TOP2A: variants seen among roughly 807,000 people sequenced by gnomAD.
TOP2A encodes the protein DNA topoisomerase 2-alpha.
Under a neutral mutation model 187.2 loss-of-function variants are expected in TOP2A, and 68 were observed. The observed-to-expected ratio is 0.36, with a 90% CI of 0.30 to 0.44. TOP2A has a LOEUF of 0.44. Ranked by LOEUF, TOP2A falls within the 20% of genes least tolerant of loss-of-function variation. The pLI, the probability that TOP2A is intolerant of heterozygous loss-of-function variation, is 1.00. For synonymous variants in TOP2A, 542 were observed against 593.2 expected (o/e 0.91, Z 1.25); for missense variants, 1,196 against 1,808.7 (o/e 0.66, Z 6.14).
intron 33 of TOP2A, among the ~76,000 whole-genome samples, chr17:40,390,813 T>C (rs1425757379): frequency 6.6e-6 from 1 of 151,678 alleles, no homozygotes; most frequent in African/African-American, 2.4e-5. Context: ...TTAGTAGAGA[T>C]GAGGTTTCAC....
intron 6 of TOP2A, 108 bp downstream of exon 6, chr17:40,413,087 A>G (rs2035343733): frequency 7.8e-7 from 1 of 1,278,078 alleles, no homozygotes. Flanking sequence ...AATTTTCCAT[A>G]CTTCAATAGC....
At chr17:40,408,245 ATT>A in intron 11 of TOP2A, 121 bp from the exon 12 acceptor site, 6 of 853,192 alleles carry the variant, frequency 7.0e-6, no homozygotes, top group Non-Finnish European at 1.1e-5. Flanking sequence ...GAGCAAAATT[ATT>A]TGTTAGGTAA....
At chr17:40,416,395 G>C (rs561362194) in intron 3 of TOP2A, 27 bp downstream of exon 3, 11 of 1,362,414 alleles carry the variant, frequency 8.1e-6, no homozygotes, top group Non-Finnish European at 1.1e-5. Flanking sequence ...GATTTGACCA[G>C]ATCTTTATAT....
chr17:40,416,121 T>C (rs572631846), intron 3 of TOP2A, 53 bp from the exon 4 acceptor site: 1 of 1,304,176 alleles, frequency 7.7e-7, no homozygotes, highest in Admixed American at 2.0e-5. Flanking sequence ...TAAGAAACAT[T>C]CTGTAACTCT....
chr17:40,415,918 A>G (rs2035384417), intron 4 of TOP2A, 87 bp downstream of exon 4: 2 of 935,090 alleles, frequency 2.1e-6, no homozygotes, highest in Admixed American at 2.2e-5. Flanking sequence ...ACTTCTGTTT[A>G]GGAAAAGCCA....
intron 4 of TOP2A, among the ~76,000 whole-genome samples, chr17:40,414,168 A>G (rs1262764935): frequency 6.6e-6 from 1 of 152,220 alleles, no homozygotes; most frequent in African/African-American, 2.4e-5. Context: ...AATGGAAAGA[A>G]AAGGACAATC....
intron 20 of TOP2A, 87 bp downstream of exon 20, chr17:40,402,809 TTCTGATTAAC>T: frequency 7.3e-7 from 1 of 1,363,674 alleles, no homozygotes; most frequent in Non-Finnish European, 1.0e-6. Context: ...TGCCAGTATC[TTCTGATTAAC>T]TGAGTTTTTG....
At chr17:40,390,466 A>G (rs1367199043) in intron 33 of TOP2A, among the ~76,000 whole-genome samples, 1 of 152,088 alleles carries the variant, frequency 6.6e-6, no homozygotes, top group Non-Finnish European at 1.5e-5. Context: ...CTGGGATTAC[A>G]GGCATGAGCA....
chr17:40,403,170 C>G, intron 19 of TOP2A, 116 bp from the exon 20 acceptor site: 1 of 1,012,178 alleles, frequency 9.9e-7, no homozygotes, highest in Non-Finnish European at 1.4e-6. Context: ...AGTGACTTTC[C>G]TCAGATTAAT....
chr17:40,400,165 T>G (rs201643366), intron 23 of TOP2A, 44 bp downstream of exon 23: 1 of 1,596,452 alleles, frequency 6.3e-7, no homozygotes, highest in East Asian at 2.2e-5. Flanking sequence ...TATTAATCTT[T>G]AATATAAATT....
chr17:40,395,682 G>A, intron 28 of TOP2A, 143 bp from the exon 29 acceptor site: 1 of 505,156 alleles, frequency 2.0e-6, no homozygotes, highest in Non-Finnish European at 3.5e-6. Flanking sequence ...GATCTCTTGA[G>A]GTCAGGAGTT....
In TOP2A at chr17:40,403,013, A is replaced by T. The variant is rs2035200085; in HGVS notation, c.2325T>A (p.Phe775Leu). Residue 775 changes from phenylalanine to leucine, a missense_variant, in exon 20 of 35, where the codon TTT (phenylalanine) becomes TTA (leucine). Phe to Leu is a conservative substitution (Grantham distance 22, BLOSUM62 0). This residue lies in a region of TOP2A where 209 missense variants were observed against 376.9 expected (regional missense o/e 0.55). Transcript: ENST00000423485. Reference protein sequence around the residue: ...MMTIINLAQNFVGSNNLNLLQ... With the variant: ...MMTIINLAQNLVGSNNLNLLQ... ...AGAGGTTTAGATTATTGCTACCCACAAAATTCTGAGCCAAATTGATAATGG... is the reference window on the plus strand; with the variant it reads ...AGAGGTTTAGATTATTGCTACCCACTAAATTCTGAGCCAAATTGATAATGG... 1.9e-6 allele frequency: 3 copies of T among 1,602,066 alleles called. No homozygotes were observed. In the East Asian group the frequency reaches 6.7e-5, roughly 36 times the overall value.
Position 40,396,368 on chromosome 17 carries a change from G to A in TOP2A, c.3635C>T (p.Pro1212Leu), listed in dbSNP as rs2035099169. ...GKKTQMAEVL[P>L]SPRGQRVIPR... Reference sequence around the variant, plus strand: ...AATGACTCTTTGACCACGCGGAGAAGGCAAAACTTCAGCCATTTGTGTTTT... The same window carrying A: ...AATGACTCTTTGACCACGCGGAGAAAGCAAAACTTCAGCCATTTGTGTTTT... The change falls in exon 28 of 35, where the codon CCT becomes CTT. Residue 1212 changes from proline to leucine, a missense_variant. Coordinates refer to ENST00000423485, the MANE Select transcript of TOP2A (RefSeq NM_001067.4). 1 of 1,613,928 alleles carries A rather than the reference G, an allele frequency of 6.2e-7. No homozygotes were observed. Among genetic ancestry groups the A allele is most frequent in the Non-Finnish European group, 8.5e-7 (1 of 1,179,866 alleles).
rs746656369 is a variant in TOP2A, at chr17:40,398,751, T to C, written c.3453+22A>G. On this transcript the variant is annotated intron_variant, in intron 26 of 34. Transcript: ENST00000423485. ...GAATAGAACAAAACTAAGCAGCATG[T>C]ACCATCCTACTATCAACTCACTTTT... 3.7e-6 allele frequency: 6 copies of C among 1,607,572 alleles called. No individual in the cohort carries two copies. In the Admixed American group the frequency reaches 1.0e-4, roughly 28 times the overall value.
At chr17:40,407,780 G>T in intron 12 of TOP2A, 106 bp from the exon 13 acceptor site, 1 of 1,238,724 alleles carries the variant, frequency 8.1e-7, no homozygotes, top group Non-Finnish European at 1.1e-6. Context: ...AGTATTTTGA[G>T]CTATTAGCTT....
chr17:40,404,118 T>C, intron 19 of TOP2A, 34 bp downstream of exon 19: 2 of 1,608,800 alleles, frequency 1.2e-6, no homozygotes, highest in Non-Finnish European at 1.7e-6. Flanking sequence ...ATTTCTGATA[T>C]AATGCTTTCT....
chr17:40,395,621 A>C (rs780295780), intron 28 of TOP2A, 82 bp from the exon 29 acceptor site: 102 of 1,001,084 alleles, frequency 1.0e-4, no homozygotes, highest in Non-Finnish European at 1.4e-4. Flanking sequence ...TTTGGCTGGG[A>C]GCGGTGGCTC....
In TOP2A at chr17:40,392,649, A is replaced by G. The variant is rs1179420942; in HGVS notation, c.3900T>C (p.Asp1300=). 8 of 1,613,426 alleles carry G rather than the reference A, an allele frequency of 5.0e-6. No homozygotes were observed. Among genetic ancestry groups the G allele is most frequent in the South Asian group, 1.1e-5 (1 of 91,056 alleles). ...KRNPWSDSES[D]RSSDESNFDV... Reference sequence around the variant, plus strand: ...CAAAATTACTTTCGTCACTGCTCCTATCTGATTCTGAATCAGACCAGGGAT... The same window carrying G: ...CAAAATTACTTTCGTCACTGCTCCTGTCTGATTCTGAATCAGACCAGGGAT... The change falls in exon 30 of 35, where the codon GAT becomes GAC. Residue 1300 remains aspartate, a synonymous_variant. Transcript: ENST00000423485.
At chr17:40,416,669 A>G in intron 2 of TOP2A, 71 bp downstream of exon 2, 1 of 1,548,606 alleles carries the variant, frequency 6.5e-7, no homozygotes, top group Non-Finnish European at 8.8e-7. Context: ...CACTCAGTAC[A>G]TGAAAGGTAC....
Sources: allele counts gnomAD v4.1 joint callset (sites outside exome capture counted in the v4.1 genomes callset), GRCh38; gene constraint gnomAD v4.1.1; regional missense constraint gnomAD v4.1.1; transcripts MANE v1.5; gene names NCBI Gene and HGNC (gene_info 2026-07-23, HGNC 2026-07-21).